CSNK2A2IP: variants seen among roughly 807,000 people sequenced by gnomAD.
CSNK2A2IP encodes the protein casein kinase II subunit alpha'-interacting protein.
chr3:88,344,890 G>T, the CSNK2A2IP span, among the ~76,000 whole-genome samples: 23 of 151,844 alleles, frequency 1.5e-4, no homozygotes, highest in African/African-American at 5.1e-4. Context: ...TGAAATAAAA[G>T]AAAAATGCCA....
chr3:88,383,326 A>G, the CSNK2A2IP span, among the ~76,000 whole-genome samples: 11 of 152,158 alleles, frequency 7.2e-5, no homozygotes, highest in Non-Finnish European at 1.3e-4. Context: ...TCCATCGTTC[A>G]CTGTTTGTGA....
chr3:88,402,504 A>C, the CSNK2A2IP span, among the ~76,000 whole-genome samples: 1 of 152,092 alleles, frequency 6.6e-6, no homozygotes, highest in African/African-American at 2.4e-5. Flanking sequence ...AAACCTAGAA[A>C]CAACCTAAAT....
the CSNK2A2IP span, among the ~76,000 whole-genome samples, chr3:88,389,694 T>C: frequency 2.0e-5 from 3 of 152,236 alleles, no homozygotes; most frequent in African/African-American, 4.8e-5. Flanking sequence ...CACTAGTGTA[T>C]TGGGGGCAAA....
the CSNK2A2IP span, among the ~76,000 whole-genome samples, chr3:88,427,164 G>T: frequency 0.18 from 26,625 of 152,086 alleles, 2,490 homozygotes; most frequent in African/African-American, 0.18. Flanking sequence ...GTCTCAGATG[G>T]AGATGAAGAA....
the CSNK2A2IP span, among the ~76,000 whole-genome samples, chr3:88,363,082 T>C: frequency 8.5e-5 from 13 of 152,198 alleles, no homozygotes; most frequent in African/African-American, 2.2e-4. Flanking sequence ...ACACTTTTAC[T>C]CTCCCTCCCT....
At chr3:88,449,956 C>T in the CSNK2A2IP span, among the ~76,000 whole-genome samples, 1 of 147,992 alleles carries the variant, frequency 6.8e-6, no homozygotes, top group East Asian at 2.0e-4. Context: ...CAACCTCCAC[C>T]ATCTGGGTTC....
chr3:88,375,740 A>G, the CSNK2A2IP span, among the ~76,000 whole-genome samples: 1 of 151,808 alleles, frequency 6.6e-6, no homozygotes, highest in South Asian at 2.1e-4. Context: ...TCTATATTCA[A>G]TATTCTTTAT....
At chr3:88,402,584 G>A in the CSNK2A2IP span, among the ~76,000 whole-genome samples, 1 of 151,992 alleles carries the variant, frequency 6.6e-6, no homozygotes, top group Non-Finnish European at 1.5e-5. Flanking sequence ...ATACAAAAAT[G>A]TTGAGAGAAA....
At chr3:88,462,114 C>CATAT in the CSNK2A2IP span, among the ~76,000 whole-genome samples, 18,816 of 142,884 alleles carry the variant, frequency 0.13, 1,349 homozygotes, top group East Asian at 0.19. Flanking sequence ...GAGTTTTTTT[C>CATAT]ATATATATAT....
chr3:88,414,766 G>A, the CSNK2A2IP span, among the ~76,000 whole-genome samples: 13 of 151,876 alleles, frequency 8.6e-5, no homozygotes, highest in Admixed American at 8.5e-4. Flanking sequence ...TGAATGCATA[G>A]TAGACAGTAC....
the CSNK2A2IP span, among the ~76,000 whole-genome samples, chr3:88,364,282 T>C: frequency 6.6e-5 from 10 of 152,160 alleles, no homozygotes; most frequent in Non-Finnish European, 1.3e-4. Flanking sequence ...TGTCTGTTTT[T>C]TTTTGGAGGG....
chr3:88,452,411 G>C, the CSNK2A2IP span, among the ~76,000 whole-genome samples: 12 of 152,092 alleles, frequency 7.9e-5, no homozygotes, highest in Admixed American at 2.0e-4. Context: ...TTCAAAGCGT[G>C]GCCAAGTTAG....
the CSNK2A2IP span, among the ~76,000 whole-genome samples, chr3:88,348,738 T>C: frequency 6.6e-6 from 1 of 152,124 alleles, no homozygotes; most frequent in Admixed American, 6.6e-5. Flanking sequence ...TTCAAGTCAG[T>C]ACAACAAAGT....
At chr3:88,425,411 T>C in the CSNK2A2IP span, among the ~76,000 whole-genome samples, 2 of 152,120 alleles carry the variant, frequency 1.3e-5, no homozygotes, top group African/African-American at 2.4e-5. Flanking sequence ...AATAAAAATA[T>C]CAGTTTTAGT....
chr3:88,412,321 A>T, the CSNK2A2IP span, among the ~76,000 whole-genome samples: 1 of 151,954 alleles, frequency 6.6e-6, no homozygotes, highest in Admixed American at 6.6e-5. Context: ...CCTTCCATGG[A>T]GGGGAAAGGC....
the CSNK2A2IP span, among the ~76,000 whole-genome samples, chr3:88,345,395 C>A: frequency 6.6e-6 from 1 of 151,944 alleles, no homozygotes; most frequent in African/African-American, 2.4e-5. Flanking sequence ...AGGCATACCT[C>A]GTTTATTGTG....
At chr3:88,389,972 G>C in the CSNK2A2IP span, among the ~76,000 whole-genome samples, 1 of 152,032 alleles carries the variant, frequency 6.6e-6, no homozygotes, top group South Asian at 2.1e-4. Flanking sequence ...AGAATAGCTT[G>C]TGTGAAACAA....
the CSNK2A2IP span, among the ~76,000 whole-genome samples, chr3:88,423,368 T>C: frequency 1.3e-5 from 2 of 152,126 alleles, no homozygotes; most frequent in Non-Finnish European, 2.9e-5. Flanking sequence ...GTACACTTTT[T>C]TTTTCTCCCT....
the CSNK2A2IP span, among the ~76,000 whole-genome samples, chr3:88,448,759 GTGGCAAGTCTGAGGTTTTGCC>G: frequency 6.6e-6 from 1 of 152,194 alleles, no homozygotes; most frequent in African/African-American, 2.4e-5. Flanking sequence ...TAGAGTCATT[GTGGCAAGTCTGAGGTTTTGCC>G]TGGCAAATCA....
Sources: gnomAD v4.1 joint callset for allele counts (sites outside exome capture counted in the v4.1 genomes callset) on GRCh38, gnomAD v4.1.1 for gene constraint, MANE v1.5 for transcripts, NCBI Gene and HGNC (gene_info 2026-07-23, HGNC 2026-07-21) for gene names.